The following GRID2 variants were observed in gnomAD, a reference collection of about 807,000 sequenced individuals.
The protein encoded by GRID2 is glutamate ionotropic receptor delta type subunit 2.
A neutral mutation model predicts 114.8 loss-of-function variants in GRID2; 33 were observed. The ratio of observed to expected loss-of-function variants is 0.29; its 90% confidence interval spans 0.22 to 0.38. The LOEUF (loss-of-function observed/expected upper bound fraction) is 0.38, where lower values mean the gene tolerates loss of function less well. GRID2 is among the 10% of genes least tolerant of loss of function. The pLI, the probability that GRID2 is intolerant of heterozygous loss-of-function variation, is 1.00. For missense variants in GRID2, 1,184 were observed against 1,257.7 expected (o/e 0.94, Z 0.89); for synonymous variants, 505 against 449.9 (o/e 1.12, Z -1.55).
chr4:93,598,250 T>G (rs1389568122), intron 13 of GRID2, among the ~76,000 whole-genome samples: 1 of 152,206 alleles, frequency 6.6e-6, no homozygotes, highest in East Asian at 1.9e-4. Context: ...TGTTATAGCT[T>G]CCATTCCACA....
At chr4:92,724,032 G>A (rs1735938152) in intron 2 of GRID2, among the ~76,000 whole-genome samples, 1 of 152,152 alleles carries the variant, frequency 6.6e-6, no homozygotes, top group Non-Finnish European at 1.5e-5. Flanking sequence ...ATTTTAGTCA[G>A]ATAGCAAAAA....
chr4:92,780,634 C>T (rs1042829948), intron 2 of GRID2, among the ~76,000 whole-genome samples: 3 of 152,056 alleles, frequency 2.0e-5, no homozygotes, highest in Non-Finnish European at 2.9e-5. Flanking sequence ...GGTTTCAATC[C>T]TTATGAAGAA....
chr4:92,942,369 T>C (rs1358498894), intron 2 of GRID2, among the ~76,000 whole-genome samples: 5 of 152,200 alleles, frequency 3.3e-5, no homozygotes. Context: ...AAAGTCTGTT[T>C]TATCAGAGAC....
chr4:93,737,521 T>C (rs1032390947), intron 14 of GRID2, among the ~76,000 whole-genome samples: 1 of 151,924 alleles, frequency 6.6e-6, no homozygotes, highest in African/African-American at 2.4e-5. Flanking sequence ...GGCAAGGAGT[T>C]CCAGACAAGC....
At chr4:92,943,192 C>G (rs1387917121) in intron 2 of GRID2, among the ~76,000 whole-genome samples, 1 of 152,190 alleles carries the variant, frequency 6.6e-6, no homozygotes, top group Non-Finnish European at 1.5e-5. Flanking sequence ...TTCTCCCTGT[C>G]ACTTTCAGGT....
chr4:92,568,438 G>T (rs1727446274), intron 1 of GRID2, among the ~76,000 whole-genome samples: 1 of 151,896 alleles, frequency 6.6e-6, no homozygotes, highest in South Asian at 2.1e-4. Context: ...TTTTTTGTTG[G>T]TTCCTCAGAT....
chr4:93,379,570 C>T (rs1415657741), intron 8 of GRID2, among the ~76,000 whole-genome samples: 2 of 152,184 alleles, frequency 1.3e-5, no homozygotes, highest in South Asian at 2.1e-4. Context: ...GGATAATAAT[C>T]CCGCTACATA....
chr4:92,631,720 A>G (rs748063464), intron 2 of GRID2, among the ~76,000 whole-genome samples: 3 of 152,128 alleles, frequency 2.0e-5, no homozygotes, highest in Admixed American at 6.6e-5. Flanking sequence ...CTGTTTGCCT[A>G]TCTTCAACTC....
chr4:93,559,328 A>G (rs1734657007), intron 13 of GRID2, among the ~76,000 whole-genome samples: 1 of 152,252 alleles, frequency 6.6e-6, no homozygotes, highest in Non-Finnish European at 1.5e-5. Flanking sequence ...AATTTTTGCA[A>G]TCTATCCATC....
intron 11 of GRID2, among the ~76,000 whole-genome samples, chr4:93,467,378 G>A (rs960650616): frequency 1.3e-5 from 2 of 152,060 alleles, no homozygotes; most frequent in Non-Finnish European, 2.9e-5. Flanking sequence ...ACCAATTTTT[G>A]CCTAAAGTAA....
chr4:92,678,292 A>G (rs1386298210), intron 2 of GRID2, among the ~76,000 whole-genome samples: 1 of 152,108 alleles, frequency 6.6e-6, no homozygotes, highest in Non-Finnish European at 1.5e-5. Flanking sequence ...TGGTATTCCC[A>G]TATTCAATTA....
chr4:93,039,832 C>G (rs1440979125), intron 2 of GRID2, among the ~76,000 whole-genome samples: 1 of 152,122 alleles, frequency 6.6e-6, no homozygotes, highest in African/African-American at 2.4e-5. Flanking sequence ...TGACAGTAAC[C>G]ATACTGCACA....
chr4:93,287,425 T>G (rs142715322), intron 8 of GRID2, among the ~76,000 whole-genome samples: 53 of 152,266 alleles, frequency 3.5e-4, no homozygotes, highest in African/African-American at 1.3e-3. Flanking sequence ...AGTGCTATCC[T>G]GAGGCACAGT....
intron 6 of GRID2, among the ~76,000 whole-genome samples, chr4:93,223,057 T>C (rs1745075033): frequency 6.6e-6 from 1 of 152,162 alleles, no homozygotes; most frequent in African/African-American, 2.4e-5. Flanking sequence ...GGTTGTGTAT[T>C]ATTTTGATTT....
intron 2 of GRID2, among the ~76,000 whole-genome samples, chr4:92,895,212 G>A (rs1278600764): frequency 6.6e-6 from 1 of 151,532 alleles, no homozygotes; most frequent in African/African-American, 2.4e-5. Context: ...ACATGGGGTA[G>A]AATGTAAGAC....
At chr4:93,318,755 T>C (rs961596103) in intron 8 of GRID2, 3 of 152,202 alleles carry the variant, frequency 2.0e-5, no homozygotes, top group Non-Finnish European at 4.4e-5. Context: ...GAAGCATCTG[T>C]TGTCCAGGCT....
chr4:93,335,694 C>CTTTTTTTTTTTTTTTTTTTTTTT (rs55823712), intron 8 of GRID2, among the ~76,000 whole-genome samples: 1 of 141,726 alleles, frequency 7.1e-6, no homozygotes, highest in African/African-American at 2.7e-5. Flanking sequence ...TTTCTTCTTT[C>CTTTTTTTTTTTTTTTTTTTTTTT]TTTTTTTTTT....
intron 2 of GRID2, among the ~76,000 whole-genome samples, chr4:92,701,247 AT>A (rs1560540384): frequency 6.6e-6 from 1 of 152,156 alleles, no homozygotes; most frequent in Non-Finnish European, 1.5e-5. Context: ...TAAAAACCTA[AT>A]ATTTTTTAGC....
intron 1 of GRID2, among the ~76,000 whole-genome samples, chr4:92,310,721 C>A (rs1312979285): frequency 6.6e-6 from 1 of 151,594 alleles, no homozygotes; most frequent in African/African-American, 2.4e-5. Context: ...TTTTATCAAC[C>A]CTAAAATAAG....
Sources: gnomAD v4.1 joint callset for allele counts (sites outside exome capture counted in the v4.1 genomes callset) on GRCh38, gnomAD v4.1.1 for gene constraint, MANE v1.5 for transcripts, NCBI Gene and HGNC (gene_info 2026-07-23, HGNC 2026-07-21) for gene names.